Variants in IKBKB-DT observed in about 807,000 individuals in gnomAD.
IKBKB-DT encodes IKBKB divergent transcript.
At chr8:42,263,752 T>C (rs1025866434) in intron 2 of IKBKB-DT, among the ~76,000 whole-genome samples, 1 of 152,204 alleles carries the variant, frequency 6.6e-6, no homozygotes, top group Non-Finnish European at 1.5e-5. Flanking sequence ...TCTGGTGCAT[T>C]AGAGCCACAC....
intron 3 of IKBKB-DT, among the ~76,000 whole-genome samples, chr8:42,245,399 C>T (rs139891453): frequency 6.6e-6 from 1 of 152,358 alleles, no homozygotes; most frequent in East Asian, 1.9e-4. Context: ...TGGGTCAGGA[C>T]GCCTCAGTCC....
At chr8:42,271,158 G>T in exon 1 of IKBKB-DT, 2 of 581,948 alleles carry the variant, frequency 3.4e-6, no homozygotes, top group Non-Finnish European at 6.2e-6. Context: ...TCCCTCAGTT[G>T]TCTAGAGACC....
At chr8:42,267,534 G>A (rs1295797365) in intron 1 of IKBKB-DT, among the ~76,000 whole-genome samples, 2 of 152,106 alleles carry the variant, frequency 1.3e-5, no homozygotes, top group African/African-American at 4.8e-5. Context: ...GATTCTAAGT[G>A]CCTCTGATGA....
At chr8:42,263,080 T>G (rs2129932772) in intron 3 of IKBKB-DT, among the ~76,000 whole-genome samples, 1 of 152,228 alleles carries the variant, frequency 6.6e-6, no homozygotes, top group Middle Eastern at 3.4e-3. Flanking sequence ...TCTTGTCATC[T>G]TGCCCAGGGT....
chr8:42,247,264 A>G (rs1358628826), intron 3 of IKBKB-DT, among the ~76,000 whole-genome samples: 2 of 152,148 alleles, frequency 1.3e-5, no homozygotes, highest in African/African-American at 4.8e-5. Context: ...GGAGTCAAAG[A>G]AGATTATTTT....
intron 3 of IKBKB-DT, among the ~76,000 whole-genome samples, chr8:42,247,233 C>T (rs534014647): frequency 2.6e-5 from 4 of 152,258 alleles, no homozygotes; most frequent in South Asian, 2.1e-4. Flanking sequence ...CATGCATCAG[C>T]GTGTTTTGGA....
In IKBKB-DT at chr8:42,240,995, T is replaced by A. The variant is rs373985850; in HGVS notation, n.1530-7136A>T. Among the ~76,000 whole-genome samples the A allele has an allele frequency of 1.8e-4, 28 of 152,224 alleles. No homozygotes were observed. In the East Asian group the frequency reaches 1.9e-3, roughly 10 times the overall value. On this transcript the variant is annotated intron_variant and non_coding_transcript_variant, in intron 3 of 3. Coordinates refer to ENST00000518213, the Ensembl canonical transcript of IKBKB-DT. The stretch of plus-strand genomic sequence containing the variant: ...GTCTCAAAAAAAAAATGTGGTACAT[T>A]TAGGACACCGACAAAATGAATTTTT...
chr8:42,235,907 C>T (rs530710646), intron 3 of IKBKB-DT, among the ~76,000 whole-genome samples: 57 of 151,968 alleles, frequency 3.8e-4, no homozygotes, highest in African/African-American at 1.2e-3. Context: ...GGCATGGTGG[C>T]GGGCACCTGT....
intron 3 of IKBKB-DT, among the ~76,000 whole-genome samples, chr8:42,249,540 C>A (rs894505789): frequency 2.0e-4 from 30 of 151,844 alleles, no homozygotes; most frequent in African/African-American, 6.8e-4. Context: ...ACCTGATGGA[C>A]TTTCTGAGTC....
chr8:42,237,485 G>A lies in IKBKB-DT; in HGVS notation n.1530-3626C>T, dbSNP rs181354507. ...TGGGGCATATCTGACCTCCTTTCCC[G>A]TAATGCCTGGGAATTCAGTTTTTAA... On this transcript the variant is annotated intron_variant and non_coding_transcript_variant, in intron 3 of 3. Transcript: ENST00000518213. Among the ~76,000 whole-genome samples, 169 of 152,286 alleles carry A rather than the reference G, an allele frequency of 1.1e-3. 1 individual carries two copies. The highest frequency in any genetic ancestry group is 0.01 in the Middle Eastern group (3 of 294).
chr8:42,243,095 T>G (rs12114934), intron 3 of IKBKB-DT, among the ~76,000 whole-genome samples: 30,994 of 152,012 alleles, frequency 0.2, 7,156 homozygotes, highest in African/African-American at 0.57. Flanking sequence ...GTGAGCAGGT[T>G]GGGGGTGGTC....
intron 1 of IKBKB-DT, among the ~76,000 whole-genome samples, chr8:42,267,004 G>GTT (rs527900913): frequency 2.5e-4 from 32 of 125,586 alleles, no homozygotes; most frequent in Admixed American, 4.7e-4. Context: ...TTTTTTTTTT[G>GTT]TTTTTTTTTT....
intron 3 of IKBKB-DT, among the ~76,000 whole-genome samples, chr8:42,252,654 A>G (rs1263508833): frequency 6.6e-6 from 1 of 152,250 alleles, no homozygotes; most frequent in Non-Finnish European, 1.5e-5. Flanking sequence ...GGCGTGAGCC[A>G]CTGCACCCAG....
chr8:42,233,909 CCA>C (rs1806886496), intron 3 of IKBKB-DT: 1 of 152,124 alleles, frequency 6.6e-6, no homozygotes, highest in South Asian at 2.1e-4. Context: ...GCCAGCTGAT[CCA>C]TCAAGTGCAG....
chr8:42,254,653 G>GCTGC (rs1807171504), intron 3 of IKBKB-DT, among the ~76,000 whole-genome samples: 1 of 149,386 alleles, frequency 6.7e-6, no homozygotes, highest in Non-Finnish European at 1.5e-5. Context: ...CCTCTGCCCG[G>GCTGC]CCAGCCTGTC....
At chr8:42,268,582 T>C (rs1807408979) in intron 1 of IKBKB-DT, among the ~76,000 whole-genome samples, 1 of 151,710 alleles carries the variant, frequency 6.6e-6, no homozygotes, top group African/African-American at 2.4e-5. Context: ...AATTTTTTTT[T>C]TTGAGATGGA....
At chr8:42,262,606 A>AT (rs889895767) in intron 3 of IKBKB-DT, among the ~76,000 whole-genome samples, 1 of 151,142 alleles carries the variant, frequency 6.6e-6, no homozygotes, top group African/African-American at 2.4e-5. Flanking sequence ...CACCAGGCTA[A>AT]TTTTTTTTAT....
intron 3 of IKBKB-DT, among the ~76,000 whole-genome samples, chr8:42,256,290 G>C (rs1398246839): frequency 6.6e-6 from 1 of 152,006 alleles, no homozygotes. Context: ...AGTCGGGCGT[G>C]GTGGCTCATG....
At chr8:42,247,957 G>T (rs1807082617) in intron 3 of IKBKB-DT, among the ~76,000 whole-genome samples, 1 of 152,022 alleles carries the variant, frequency 6.6e-6, no homozygotes, top group African/African-American at 2.4e-5. Flanking sequence ...ACTGGGCACA[G>T]TAGTGGGCGC....
Sources: gnomAD v4.1 joint callset for allele counts (sites outside exome capture counted in the v4.1 genomes callset) on GRCh38, gnomAD v4.1.1 for gene constraint, MANE v1.5 for transcripts, NCBI Gene and HGNC (gene_info 2026-07-23, HGNC 2026-07-21) for gene names.